SDHC: variants seen among roughly 807,000 people sequenced by gnomAD.
SDHC encodes succinate dehydrogenase cytochrome b560 subunit, mitochondrial.
A neutral mutation model predicts 22.6 loss-of-function variants in SDHC; 11 were observed. That is an observed-to-expected ratio of 0.49 (90% CI 0.31 to 0.81). The LOEUF is 0.81. SDHC is among the 30% of genes least tolerant of loss of function. The pLI is 0.05. For synonymous variants in SDHC, 80 were observed against 77.8 expected (o/e 1.03, Z -0.15); for missense variants, 160 against 212.0 (o/e 0.75, Z 1.52).
chr1:161,356,913 T>C, intron 5 of SDHC, 73 bp downstream of exon 5: 1 of 1,473,460 alleles, frequency 6.8e-7, no homozygotes, highest in Non-Finnish European at 9.5e-7. Context: ...TTTCCTTCAT[T>C]ACTGGGTTTA....
rs182991532 is a variant in SDHC at position 161,352,715 on chromosome 1, G to A, written c.242-3962G>A. Among the ~76,000 whole-genome samples the A allele has an allele frequency of 1.4e-4, 22 of 152,280 alleles. No homozygotes were observed. The East Asian group carries it at 3.1e-3, about 21-fold the overall frequency. ...TCTTCATTTAAGAGCTTAAGAAACT[G>A]AAGTGGCCGAGGTGGGTGGGAGGCC... On this transcript the variant is annotated intron_variant, in intron 4 of 5. Coordinates refer to ENST00000367975, the MANE Select transcript of SDHC (RefSeq NM_003001.5).
At chr1:161,320,828 A>ATTTTTT (rs71270444) in intron 1 of SDHC, among the ~76,000 whole-genome samples, 3,393 of 127,584 alleles carry the variant, frequency 0.027, 209 homozygotes, top group African/African-American at 0.059. Flanking sequence ...TTCAGTCTTG[A>ATTTTTT]TTTTTTTTTT....
intron 1 of SDHC, among the ~76,000 whole-genome samples, chr1:161,322,779 C>T (rs1259818056): frequency 1.3e-5 from 2 of 152,032 alleles, no homozygotes; most frequent in African/African-American, 4.8e-5. Context: ...GTTGTCCAGG[C>T]AGTATTGAAC....
chr1:161,323,589 G>T, intron 1 of SDHC, 25 bp from the exon 2 acceptor site: 1 of 1,601,644 alleles, frequency 6.2e-7, no homozygotes, highest in South Asian at 1.1e-5. Flanking sequence ...AATGTGTATT[G>T]ATTTTTGATT....
At chr1:161,348,641 T>G (rs1172172848) in intron 4 of SDHC, among the ~76,000 whole-genome samples, 7 of 128,744 alleles carry the variant, frequency 5.4e-5, no homozygotes, top group African/African-American at 2.1e-4. Context: ...GCCAACATAG[T>G]GAAACCCCAT....
At chr1:161,359,683 A>G (rs916569998) in intron 5 of SDHC, among the ~76,000 whole-genome samples, 3 of 152,308 alleles carry the variant, frequency 2.0e-5, no homozygotes, top group Admixed American at 2.0e-4. Flanking sequence ...GAAGAACCTA[A>G]GGGTCCTTAA....
intron 4 of SDHC, among the ~76,000 whole-genome samples, chr1:161,355,941 G>A (rs905919477): frequency 6.9e-6 from 1 of 144,856 alleles, no homozygotes; most frequent in Non-Finnish European, 1.5e-5. Context: ...CTGAGATCAC[G>A]CTTACTGCAC....
rs565865675 is a variant in SDHC at position 161,332,009 on chromosome 1, G to C, written c.179+3512G>C. On this transcript the variant is annotated intron_variant, in intron 3 of 5. Coordinates refer to ENST00000367975, the MANE Select transcript of SDHC (RefSeq NM_003001.5). Reference sequence around the variant, plus strand: ...TTTATTTAAGAGACAGGGTTTCACTGTGCCACCCAGGCTGGAGTGTAGTAG... The same window carrying C: ...TTTATTTAAGAGACAGGGTTTCACTCTGCCACCCAGGCTGGAGTGTAGTAG... Among the ~76,000 whole-genome samples the C allele has an allele frequency of 7.2e-5, 11 of 151,994 alleles. No individual in the cohort carries two copies. In the East Asian group the frequency reaches 7.7e-4, roughly 11 times the overall value.
At chr1:161,328,814 C>T (rs771159957) in intron 3 of SDHC, among the ~76,000 whole-genome samples, 4 of 152,124 alleles carry the variant, frequency 2.6e-5, no homozygotes, top group East Asian at 1.9e-4. Flanking sequence ...TTTACATAAA[C>T]GTTGCAGAAA....
intron 4 of SDHC, among the ~76,000 whole-genome samples, chr1:161,342,589 A>G (rs570357084): frequency 6.6e-6 from 1 of 151,512 alleles, no homozygotes; most frequent in Non-Finnish European, 1.5e-5. Context: ...GCTCACTGCA[A>G]CCTCATGAGA....
intron 3 of SDHC, among the ~76,000 whole-genome samples, chr1:161,335,007 A>G (rs1380992530): frequency 6.6e-6 from 1 of 152,188 alleles, no homozygotes; most frequent in Non-Finnish European, 1.5e-5. Context: ...TAGGCCTAAG[A>G]TTGAACCTAG....
chr1:161,320,080 A>G (rs563735860), intron 1 of SDHC, among the ~76,000 whole-genome samples: 4 of 152,278 alleles, frequency 2.6e-5, no homozygotes, highest in African/African-American at 9.6e-5. Flanking sequence ...ATTGAATGAT[A>G]TGTAAGAGAT....
intron 3 of SDHC, among the ~76,000 whole-genome samples, chr1:161,332,919 C>T (rs1306927225): frequency 2.0e-5 from 3 of 152,174 alleles, no homozygotes; most frequent in Non-Finnish European, 1.5e-5. Context: ...AGGCATGAGC[C>T]ACCATGCCCA....
intron 4 of SDHC, among the ~76,000 whole-genome samples, chr1:161,345,868 C>T (rs779124425): frequency 1.2e-4 from 18 of 151,924 alleles, no homozygotes; most frequent in Admixed American, 2.6e-4. Flanking sequence ...TGCAGTGGCG[C>T]GATCTCAGCT....
intron 3 of SDHC, among the ~76,000 whole-genome samples, chr1:161,330,190 A>G (rs568062441): frequency 2.0e-4 from 31 of 152,332 alleles, no homozygotes; most frequent in East Asian, 3.9e-4. Flanking sequence ...GGTGGCCCCA[A>G]AAGTTTCAAC....
chr1:161,348,603 C>T (rs1193312967), intron 4 of SDHC, among the ~76,000 whole-genome samples: 3 of 146,516 alleles, frequency 2.0e-5, no homozygotes, highest in Non-Finnish European at 4.5e-5. Flanking sequence ...GGTGGATCAC[C>T]TGAGATCAGG....
At chr1:161,340,999 A>G (rs1571869818) in intron 4 of SDHC, among the ~76,000 whole-genome samples, 1 of 152,002 alleles carries the variant, frequency 6.6e-6, no homozygotes. Context: ...ATGTGCCACC[A>G]CGCCTGGCTA....
chr1:161,359,910 C>G (rs981276389), intron 5 of SDHC, among the ~76,000 whole-genome samples: 1 of 151,918 alleles, frequency 6.6e-6, no homozygotes, highest in Non-Finnish European at 1.5e-5. Context: ...GTAGGACTCA[C>G]TCTCTATAAA....
chr1:161,320,799 A>T (rs1046297575), intron 1 of SDHC, among the ~76,000 whole-genome samples: 2 of 150,296 alleles, frequency 1.3e-5, no homozygotes, highest in Non-Finnish European at 3.0e-5. Flanking sequence ...CACTCAAGTT[A>T]TACAACTTAT....
Sources: allele counts gnomAD v4.1 joint callset (sites outside exome capture counted in the v4.1 genomes callset), GRCh38; gene constraint gnomAD v4.1.1; transcripts MANE v1.5; gene names NCBI Gene and HGNC (gene_info 2026-07-23, HGNC 2026-07-21).